The following NTRK3 variants were observed in gnomAD, a reference collection of about 807,000 sequenced individuals.
NTRK3 encodes NT-3 growth factor receptor.
Under a neutral mutation model 91.7 loss-of-function variants are expected in NTRK3, and 24 were observed. The ratio of observed to expected loss-of-function variants is 0.26; its 90% confidence interval spans 0.19 to 0.37. NTRK3 has a LOEUF of 0.37. NTRK3 is among the 10% of genes least tolerant of loss of function. The pLI, the probability that NTRK3 is intolerant of heterozygous loss-of-function variation, is 1.00. For synonymous variants in NTRK3, 483 were observed against 404.0 expected, an observed-to-expected ratio of 1.20 and a Z score of -2.34; for missense variants, 880 against 1,068.9, an observed-to-expected ratio of 0.82 and a Z score of 2.46.
At chr15:88,124,793 A>C (rs1414226295) in intron 13 of NTRK3, among the ~76,000 whole-genome samples, 1 of 152,210 alleles carries the variant, frequency 6.6e-6, no homozygotes, top group Non-Finnish European at 1.5e-5. Context: ...TGTTTAAGTC[A>C]TCTGGATTCC....
At chr15:88,196,830 C>G (rs1474117040) in intron 3 of NTRK3, among the ~76,000 whole-genome samples, 1 of 152,174 alleles carries the variant, frequency 6.6e-6, no homozygotes, top group Admixed American at 6.5e-5. Context: ...AGTTCTACAG[C>G]TCTACCCTTG....
At chr15:88,100,880 G>T (rs1333067871) in intron 13 of NTRK3, among the ~76,000 whole-genome samples, 1 of 152,176 alleles carries the variant, frequency 6.6e-6, no homozygotes, top group Non-Finnish European at 1.5e-5. Flanking sequence ...TTGGATTAAA[G>T]ACTTAAATGT....
chr15:88,046,774 A>G (rs1290551798), intron 13 of NTRK3, among the ~76,000 whole-genome samples: 1 of 152,156 alleles, frequency 6.6e-6, no homozygotes, highest in Admixed American at 6.5e-5. Flanking sequence ...CTCTTGGCTC[A>G]CTCATCCCTT....
chr15:87,908,534 A>G (rs3784441), intron 17 of NTRK3: 296,435 of 399,346 alleles, frequency 0.74, 110,233 homozygotes, highest in African/African-American at 0.76. Context: ...GCCACACCAC[A>G]CTGAACGGGC....
At chr15:88,207,128 C>T (rs748549486) in intron 3 of NTRK3, among the ~76,000 whole-genome samples, 31 of 152,196 alleles carry the variant, frequency 2.0e-4, no homozygotes, top group Non-Finnish European at 3.4e-4. Flanking sequence ...GCATCCCCAG[C>T]CCTCGGGCCA....
chr15:88,048,577 C>T (rs1057079067), intron 13 of NTRK3, among the ~76,000 whole-genome samples: 1 of 152,172 alleles, frequency 6.6e-6, no homozygotes, highest in Admixed American at 6.5e-5. Flanking sequence ...TTTGGCCCCA[C>T]ACCTCTCTTA....
intron 3 of NTRK3, among the ~76,000 whole-genome samples, chr15:88,190,012 T>C (rs780424927): frequency 6.6e-6 from 1 of 152,168 alleles, no homozygotes; most frequent in Admixed American, 6.5e-5. Context: ...ACTAAGGTGA[T>C]TGAGGAAGTC....
rs984498678 is a variant in NTRK3, at chr15:88,114,958, T to C, written c.1396+11313A>G. 5.9e-5 allele frequency among the ~76,000 whole-genome samples: 9 copies of C among 152,116 alleles called. 1 individual carries two copies. Among genetic ancestry groups the C allele is most frequent in the Admixed American group, 5.3e-4 (8 of 15,230 alleles). ...ATTTATTGTTAGATCTGTAAGTAATTATTTATTTATCAAGTTTACTCTGTA... is the reference window on the plus strand; with the variant it reads ...ATTTATTGTTAGATCTGTAAGTAATCATTTATTTATCAAGTTTACTCTGTA... On this transcript the variant is annotated intron_variant, in intron 13 of 18. Transcript: ENST00000394480.
At chr15:88,033,021 T>G in exon 14 of NTRK3, 3 of 1,597,504 alleles carry the variant, frequency 1.9e-6, no homozygotes, top group Non-Finnish European at 2.6e-6. Context: ...TGAGTCCTCC[T>G]CACCACTGAT....
chr15:87,914,821 G>A (rs1250890602), intron 17 of NTRK3, among the ~76,000 whole-genome samples: 1 of 152,220 alleles, frequency 6.6e-6, no homozygotes, highest in Non-Finnish European at 1.5e-5. Context: ...AATGGAGGAA[G>A]GCAACCAAGA....
At chr15:88,089,088 C>T (rs1397865648) in intron 13 of NTRK3, among the ~76,000 whole-genome samples, 2 of 138,770 alleles carry the variant, frequency 1.4e-5, no homozygotes, top group Non-Finnish European at 3.0e-5. Flanking sequence ...GCTACCTGGC[C>T]TTTGGCTGAG....
intron 3 of NTRK3, among the ~76,000 whole-genome samples, chr15:88,212,033 A>C (rs1274732351): frequency 6.6e-6 from 1 of 152,230 alleles, no homozygotes; most frequent in Non-Finnish European, 1.5e-5. Flanking sequence ...CATGAATCAA[A>C]TGTGAAGAAT....
intron 14 of NTRK3, among the ~76,000 whole-genome samples, chr15:87,996,376 C>T (rs762384664): frequency 3.3e-4 from 50 of 152,176 alleles, no homozygotes; most frequent in Middle Eastern, 6.8e-3. Context: ...ATCCTGGACA[C>T]GTGATACATT....
At chr15:88,007,678 A>C (rs553017615) in intron 14 of NTRK3, among the ~76,000 whole-genome samples, 16 of 152,354 alleles carry the variant, frequency 1.1e-4, no homozygotes, top group African/African-American at 3.8e-4. Context: ...GTTTCCAGGC[A>C]TGTGAAATTC....
chr15:87,929,694 T>C (rs2068627212), intron 16 of NTRK3, among the ~76,000 whole-genome samples: 1 of 152,250 alleles, frequency 6.6e-6, no homozygotes, highest in Non-Finnish European at 1.5e-5. Flanking sequence ...CTCTTTTTAA[T>C]ATTTCACTGC....
chr15:87,948,749 G>A (rs1306474646), intron 14 of NTRK3, among the ~76,000 whole-genome samples: 2 of 152,054 alleles, frequency 1.3e-5, no homozygotes, highest in East Asian at 1.9e-4. Flanking sequence ...CAATGACTTG[G>A]GAATGGATTC....
At chr15:88,120,346 C>A (rs1349914593) in intron 13 of NTRK3, among the ~76,000 whole-genome samples, 1 of 152,192 alleles carries the variant, frequency 6.6e-6, no homozygotes, top group Non-Finnish European at 1.5e-5. Flanking sequence ...AATAGGCAAC[C>A]ACTTTACTTT....
exon 19 of NTRK3, chr15:87,874,748 C>G (rs2064905213): frequency 8.6e-6 from 2 of 232,198 alleles, no homozygotes; most frequent in Non-Finnish European, 1.7e-5. Context: ...AGATCAAAGC[C>G]AGATTGTGCA....
intron 13 of NTRK3, among the ~76,000 whole-genome samples, chr15:88,119,729 A>G (rs941388144): frequency 2.8e-4 from 42 of 152,214 alleles, no homozygotes; most frequent in African/African-American, 9.2e-4. Flanking sequence ...GAATGGACAC[A>G]TCTTGGGAAG....
Sources: gnomAD v4.1 joint callset for allele counts (sites outside exome capture counted in the v4.1 genomes callset) on GRCh38, gnomAD v4.1.1 for gene constraint, MANE v1.5 for transcripts, NCBI Gene and HGNC (gene_info 2026-07-23, HGNC 2026-07-21) for gene names.